The following DNAAF4 variants were observed in gnomAD, a reference collection of about 807,000 sequenced individuals.
DNAAF4 encodes dynein axonemal assembly factor 4.
Under a neutral mutation model 51.8 loss-of-function variants are expected in DNAAF4, and 43 were observed. The observed-to-expected ratio is 0.83, with a 90% CI of 0.65 to 1.07. The LOEUF is 1.07. Among genes scored for constraint, DNAAF4 ranks in the 50% least tolerant of loss-of-function variants. The probability of loss-of-function intolerance (pLI) is 0.00; values close to 1 mark genes in which losing one functional copy is unlikely to be tolerated. For missense variants in DNAAF4, 581 were observed against 493.0 expected, an observed-to-expected ratio of 1.18 and a Z score of -1.69; for synonymous variants, 194 against 165.6, an observed-to-expected ratio of 1.17 and a Z score of -1.32.
At chr15:55,488,261 GAAT>G (rs1232007440) in intron 4 of DNAAF4, among the ~76,000 whole-genome samples, 1 of 152,034 alleles carries the variant, frequency 6.6e-6, no homozygotes, top group Non-Finnish European at 1.5e-5. Flanking sequence ...AGCCCAAGCA[GAAT>G]AATACCTGTA....
At chr15:55,508,062 C>T (rs1236488866) in intron 1 of DNAAF4, 60 bp downstream of exon 1, 1 of 152,000 alleles carries the variant, frequency 6.6e-6, no homozygotes, top group Non-Finnish European at 1.5e-5. Context: ...TTGATACACA[C>T]CAAAGTTTGA....
intron 1 of DNAAF4, among the ~76,000 whole-genome samples, chr15:55,502,754 T>C (rs1350546802): frequency 2.0e-5 from 3 of 152,130 alleles, no homozygotes; most frequent in African/African-American, 7.2e-5. Context: ...TACCAGAATC[T>C]CTGGGGCACA....
At chr15:55,477,904 GA>G (rs68187085) in intron 4 of DNAAF4, among the ~76,000 whole-genome samples, 2,570 of 144,646 alleles carry the variant, frequency 0.018, 55 homozygotes, top group African/African-American at 0.053. Context: ...TGTCTCTACT[GA>G]AAAAAAAAAA....
intron 9 of DNAAF4, among the ~76,000 whole-genome samples, chr15:55,431,449 A>C (rs2057492998): frequency 6.6e-6 from 1 of 150,662 alleles, no homozygotes; most frequent in Non-Finnish European, 1.5e-5. Flanking sequence ...TATCCATGAT[A>C]TCTCAAATCA....
At chr15:55,438,538 T>G (rs946601296) in intron 7 of DNAAF4, among the ~76,000 whole-genome samples, 1 of 151,964 alleles carries the variant, frequency 6.6e-6, no homozygotes, top group Admixed American at 6.6e-5. Context: ...TCCCAGCACT[T>G]TGGGAGACTG....
intron 6 of DNAAF4, among the ~76,000 whole-genome samples, chr15:55,449,755 A>G (rs1002605361): frequency 2.9e-5 from 4 of 139,304 alleles, no homozygotes; most frequent in East Asian, 2.3e-4. Flanking sequence ...CTGGAGTACA[A>G]TGGTGCAATC....
chr15:55,467,120 T>G lies in DNAAF4; in HGVS notation c.447A>C (p.Glu149Asp). The G allele has an allele frequency of 6.5e-7, 1 of 1,542,650 alleles. No individual in the cohort carries two copies. The highest frequency in any genetic ancestry group is 2.2e-5 in the Admixed American group (1 of 45,240). The change falls in exon 5 of 10, where the codon GAA becomes GAC. Residue 149 changes from glutamate (E) to aspartate (D), a missense_variant. Coordinates refer to ENST00000321149, the MANE Select transcript of DNAAF4 (RefSeq NM_130810.4). ...EERKKIEDMKENERIKATKAL... is the reference protein window; with the variant it reads ...EERKKIEDMKDNERIKATKAL... ...CTTTAGTGGCTTTTATCCGTTCATT[T>G]TCTTTCATATCTTCTATTTTTTTCC...
At position 55,439,562 on chromosome 15, in the gene DNAAF4, T is replaced by G; in HGVS notation, c.803A>C (p.Glu268Ala). The change falls in exon 7 of 10, where the codon GAG becomes GCG. Residue 268 changes from glutamate (E) to alanine (A), a missense_variant. Coordinates refer to ENST00000321149, the MANE Select transcript of DNAAF4 (RefSeq NM_130810.4). ...EEEEWLHKQAEARRAMNTDIA... is the reference protein window; with the variant it reads ...EEEEWLHKQAAARRAMNTDIA... ...GTCAGTATTCATTGCTCTTCGTGCC[T>G]CAGCTTGTTTGTGTAGCCACTAGAA... 6.2e-7 allele frequency: 1 copy of G among 1,613,988 alleles called. No homozygotes were observed. Among genetic ancestry groups the G allele is most frequent in the Non-Finnish European group, 8.5e-7 (1 of 1,179,948 alleles).
chr15:55,489,405 G>A lies in DNAAF4; in HGVS notation c.405+1718C>T, dbSNP rs796616412. Among the ~76,000 whole-genome samples, 58 of 152,282 alleles carry A rather than the reference G, an allele frequency of 3.8e-4. 1 individual carries two copies. Among genetic ancestry groups the A allele is most frequent in the African/African-American group, 1.4e-3 (57 of 41,536 alleles). ...GACAAAGTATATGGCTCAGTGCGGT[G>A]ACTCATGCCTGTAATCCCAACACTT... On this transcript the variant is annotated intron_variant, in intron 4 of 9. Transcript: ENST00000321149.
At chr15:55,423,021 T>C (rs1465820230) in intron 7 of DNAAF4, among the ~76,000 whole-genome samples, 1 of 151,694 alleles carries the variant, frequency 6.6e-6, no homozygotes, top group Admixed American at 6.6e-5. Context: ...AATAAATAAA[T>C]AAATGTATTC....
intron 6 of DNAAF4, among the ~76,000 whole-genome samples, chr15:55,446,418 G>GAT (rs2057817238): frequency 7.1e-6 from 1 of 141,482 alleles, no homozygotes; most frequent in South Asian, 2.3e-4. Flanking sequence ...CTTCCCAGAC[G>GAT]GGGCGGCCGG....
chr15:55,443,090 C>A, intron 6 of DNAAF4: 1 of 1,610,646 alleles, frequency 6.2e-7, no homozygotes, highest in Non-Finnish European at 8.5e-7. Flanking sequence ...GTTTTAAAGT[C>A]TTGAATCCTT....
At chr15:55,432,722 G>C (rs2057515896) in intron 8 of DNAAF4, 120 bp from the exon 9 acceptor site, 1 of 744,438 alleles carries the variant, frequency 1.3e-6, no homozygotes, top group Admixed American at 2.8e-5. Context: ...GAGGTAGGTG[G>C]ATCACCTGAA....
At chr15:55,491,724 T>TATATA (rs202021430) in intron 3 of DNAAF4, among the ~76,000 whole-genome samples, 1 of 140,120 alleles carries the variant, frequency 7.1e-6, no homozygotes, top group Non-Finnish European at 1.5e-5. Flanking sequence ...TATATAATAG[T>TATATA]ATATAATATA....
rs536014682 is a variant in DNAAF4 at position 55,469,235 on chromosome 15, G to C, written c.406-2074C>G. 2.0e-5 allele frequency among the ~76,000 whole-genome samples: 3 copies of C among 151,568 alleles called. No individual in the cohort carries two copies. The South Asian group carries it at 6.2e-4, about 32-fold the overall frequency. On this transcript the variant is annotated intron_variant, in intron 4 of 9. Transcript: ENST00000321149. Reference sequence around the variant, plus strand: ...ATCCCAGCTACTTGGGAGGCAGAGGGAGGAGAATCATTTGAACCTGGGAGG... The same window carrying C: ...ATCCCAGCTACTTGGGAGGCAGAGGCAGGAGAATCATTTGAACCTGGGAGG...
Position 55,498,192 on chromosome 15 carries a change from G to C in DNAAF4, c.123+15C>G, listed in dbSNP as rs1405434001. 8 of 1,614,076 alleles carry C rather than the reference G, an allele frequency of 5.0e-6. No individual in the cohort carries two copies. Among genetic ancestry groups the C allele is most frequent in the Middle Eastern group, 3.3e-4 (2 of 6,060 alleles). On this transcript the variant is annotated intron_variant, in intron 2 of 9. Coordinates refer to ENST00000321149, the MANE Select transcript of DNAAF4 (RefSeq NM_130810.4). ...CACACCCCCGGAGACCGGCAGGCAA[G>C]ACTTGCATTCTTACCTTCAGATAGT...
At chr15:55,493,378 A>G (rs2058599718) in intron 3 of DNAAF4, among the ~76,000 whole-genome samples, 1 of 152,214 alleles carries the variant, frequency 6.6e-6, no homozygotes, top group Non-Finnish European at 1.5e-5. Flanking sequence ...AATTTTATTC[A>G]TCTAAGATCT....
At chr15:55,456,572 G>T (rs1205003366) in intron 5 of DNAAF4, among the ~76,000 whole-genome samples, 1 of 152,134 alleles carries the variant, frequency 6.6e-6, no homozygotes, top group African/African-American at 2.4e-5. Flanking sequence ...TTTACTCCAA[G>T]AATCACTTCA....
chr15:55,473,311 G>GTATATATATGTA (rs760541427), intron 4 of DNAAF4, among the ~76,000 whole-genome samples: 65 of 35,020 alleles, frequency 1.9e-3, no homozygotes, highest in African/African-American at 6.4e-3. Context: ...ATATATGTGT[G>GTATATATATGTA]TATATATGTG....
Sources: allele counts gnomAD v4.1 joint callset (sites outside exome capture counted in the v4.1 genomes callset), GRCh38; gene constraint gnomAD v4.1.1; transcripts MANE v1.5; gene names NCBI Gene and HGNC (gene_info 2026-07-23, HGNC 2026-07-21).